Variants in SOX30 observed in about 807,000 individuals in gnomAD.
SOX30 encodes transcription factor SOX-30.
Under a neutral mutation model 58.6 loss-of-function variants are expected in SOX30, and 17 were observed. The observed-to-expected ratio is 0.29, with a 90% CI of 0.20 to 0.44. The LOEUF is 0.44. SOX30 is among the 20% of genes least tolerant of loss of function. SOX30 has a pLI of 1.00. For synonymous variants in SOX30, 421 were observed against 400.2 expected (o/e 1.05, Z -0.62); for missense variants, 951 against 965.8 (o/e 0.98, Z 0.20).
At position 157,652,370 on chromosome 5, in the gene SOX30, A is replaced by C. The variant is rs565943216; in HGVS notation, c.-292T>G. The stretch of plus-strand genomic sequence containing the variant: ...GCACTTGTTGCACATTTTCGTTCTG[A>C]CTCTCTTGTGGAGTTCTCTTACAGC... On this transcript the variant is annotated 5_prime_UTR_variant, in exon 1 of 5. Transcript: ENST00000265007. 126 of 1,147,096 alleles carry C rather than the reference A, an allele frequency of 1.1e-4. 1 individual carries two copies. In the African/African-American group the frequency reaches 1.8e-3, roughly 16 times the overall value. The allele number at this position is 1,147,096 out of a possible 1,614,324, so 71.1% of individuals were successfully genotyped here.
chr5:157,667,684 A>T, intron 2 of SOX30: 4 of 1,400,350 alleles, frequency 2.9e-6, no homozygotes, highest in Admixed American at 2.4e-5. Flanking sequence ...GGCTGCAGTG[A>T]CCTGATATCA....
Position 157,652,041 on chromosome 5 carries a change from C to A in SOX30, c.38G>T (p.Arg13Leu), listed in dbSNP as rs539566843. ...RARPEPPPQPRPLRPAPPPLP... is the reference protein window; with the variant it reads ...RARPEPPPQPLPLRPAPPPLP... ...CGGGGGCGGAGCGGGACGCAACGGG[C>A]GCGGCTGAGGCGGCGGCTCGGGTCT... Residue 13 changes from arginine to leucine, a missense_variant, in exon 1 of 5, where the codon CGC becomes CTC. This residue lies in a region of SOX30 where 363 missense variants were observed against 294.5 expected (regional missense o/e 1.23). Transcript: ENST00000265007. 5 of 1,422,172 alleles carry A rather than the reference C, an allele frequency of 3.5e-6. No individual in the cohort carries two copies. The highest frequency in any genetic ancestry group is 4.6e-6 in the Non-Finnish European group (5 of 1,096,916). The allele number at this position is 1,422,172 out of a possible 1,614,324, so 88.1% of individuals were successfully genotyped here.
chr5:157,626,567 A>G lies in SOX30; in HGVS notation c.2035T>C (p.Cys679Arg), dbSNP rs1758660968. The change falls in exon 5 of 5, where the codon TGC becomes CGC. Residue 679 changes from cysteine to arginine, a missense_variant. This residue lies in a region of SOX30 where 381 missense variants were observed against 390.0 expected (regional missense o/e 0.98). Coordinates refer to ENST00000265007, the MANE Select transcript of SOX30 (RefSeq NM_178424.2). Reference sequence around the variant, plus strand: ...CTCCGAGAATTTTCACTGTGTGTGCATTCACTTGAGTAGTCTCTAAAAGAA... The same window carrying G: ...CTCCGAGAATTTTCACTGTGTGTGCGTTCACTTGAGTAGTCTCTAAAAGAA... ...DYSFRDYSSECTHSENSRSCE... is the reference protein window; with the variant it reads ...DYSFRDYSSERTHSENSRSCE... The G allele has an allele frequency of 1.2e-6, 2 of 1,614,218 alleles. No homozygotes were observed. Among genetic ancestry groups the G allele is most frequent in the Non-Finnish European group, 1.7e-6 (2 of 1,180,040 alleles).
At chr5:157,627,901 G>A (rs1046207827) in intron 4 of SOX30, among the ~76,000 whole-genome samples, 2 of 152,054 alleles carry the variant, frequency 1.3e-5, no homozygotes, top group African/African-American at 4.8e-5. Flanking sequence ...GGCTGAGGCA[G>A]GAGAATGGCG....
Position 157,637,652 on chromosome 5 carries a change from T to A in SOX30, c.1880+578A>T, listed in dbSNP as rs187581815. ...TACATTTGACTAAATGATCTTAAGG[T>A]CCCTTATAGTTATTTTGCATGAAAA... On this transcript the variant is annotated intron_variant, in intron 4 of 4. Transcript: ENST00000265007. 2.6e-3 allele frequency among the ~76,000 whole-genome samples: 394 copies of A among 152,122 alleles called. 2 individuals are homozygous for A. Among genetic ancestry groups the A allele is most frequent in the African/African-American group, 8.9e-3 (368 of 41,498 alleles).
intron 4 of SOX30, among the ~76,000 whole-genome samples, chr5:157,634,262 G>A (rs746884585): frequency 2.6e-5 from 4 of 152,200 alleles, no homozygotes; most frequent in Admixed American, 6.5e-5. Flanking sequence ...TGCCCAGGTT[G>A]GAGTGCAGTG....
intron 4 of SOX30, among the ~76,000 whole-genome samples, chr5:157,637,358 A>C (rs1477411648): frequency 4.6e-5 from 7 of 152,164 alleles, no homozygotes; most frequent in Admixed American, 3.3e-4. Flanking sequence ...CTAGTCATTT[A>C]ACCTAGGTAA....
upstream of SOX30, among the ~76,000 whole-genome samples, chr5:157,655,047 A>G (rs1323782673): frequency 3.9e-5 from 6 of 152,238 alleles, no homozygotes; most frequent in African/African-American, 1.2e-4. Flanking sequence ...GCGAGATCCA[A>G]GAACCCTCTT....
In SOX30 at chr5:157,648,864, T is replaced by A; in HGVS notation, c.1000A>T (p.Asn334Tyr). The change falls in exon 2 of 5, where the codon AAT (asparagine) becomes TAT (tyrosine). Residue 334 changes from asparagine to tyrosine, a missense_variant. Transcript: ENST00000265007. ...TTCATGGGTCGCTTCACATGACCAT[T>A]TCTGTCCTTACTGAAGGGAGTATCT... Reference protein sequence around the residue: ...IPDTPFSKDRNGHVKRPMNAF... With the variant: ...IPDTPFSKDRYGHVKRPMNAF... 1 of 1,611,318 alleles carries A rather than the reference T, an allele frequency of 6.2e-7. No homozygotes were observed. Among genetic ancestry groups the A allele is most frequent in the Non-Finnish European group, 8.5e-7 (1 of 1,179,600 alleles).
At chr5:157,646,191 A>G (rs551656703) in intron 3 of SOX30, among the ~76,000 whole-genome samples, 1 of 152,360 alleles carries the variant, frequency 6.6e-6, no homozygotes, top group African/African-American at 2.4e-5. Context: ...AATATTTGGT[A>G]GAAAATAGAT....
At chr5:157,668,830 A>T (rs1158164525) in intron 1 of SOX30, among the ~76,000 whole-genome samples, 1 of 151,928 alleles carries the variant, frequency 6.6e-6, no homozygotes, top group Admixed American at 6.6e-5. Flanking sequence ...CTCCTATTTC[A>T]TCGATGGGTG....
intron 3 of SOX30, among the ~76,000 whole-genome samples, chr5:157,641,977 G>A (rs989884835): frequency 3.3e-5 from 5 of 152,124 alleles, no homozygotes; most frequent in Non-Finnish European, 5.9e-5. Flanking sequence ...CAGGACAAGT[G>A]ATCGATTAGA....
At chr5:157,646,290 C>G (rs1261567504) in intron 3 of SOX30, among the ~76,000 whole-genome samples, 1 of 152,138 alleles carries the variant, frequency 6.6e-6, no homozygotes, top group Non-Finnish European at 1.5e-5. Context: ...CCTCATACCC[C>G]ATTAGCAAGG....
intron 3 of SOX30, among the ~76,000 whole-genome samples, chr5:157,643,968 C>T (rs1407845610): frequency 1.3e-5 from 2 of 152,092 alleles, no homozygotes; most frequent in Non-Finnish European, 2.9e-5. Flanking sequence ...GCAAGTGATA[C>T]TGACCTCTCT....
chr5:157,646,896 A>G (rs563342767), intron 2 of SOX30, 80 bp from the exon 3 acceptor site: 6 of 1,053,996 alleles, frequency 5.7e-6, no homozygotes, highest in Non-Finnish European at 8.6e-6. Context: ...AATGCAAAGC[A>G]CTTTAAAGTG....
intron 4 of SOX30, among the ~76,000 whole-genome samples, chr5:157,630,954 G>T (rs1456794238): frequency 7.0e-4 from 78 of 111,414 alleles, no homozygotes; most frequent in Middle Eastern, 6.0e-3. Context: ...TATATATATT[G>T]TATATATATA....
chr5:157,642,028 C>A lies in SOX30; in HGVS notation c.1388-3306G>T, dbSNP rs146636903. ...AGAATACACAGTAAAATGAAATCAGCTTGAGGGCCGGGTGCAGTGGCTCAT... is the reference window on the plus strand; with the variant it reads ...AGAATACACAGTAAAATGAAATCAGATTGAGGGCCGGGTGCAGTGGCTCAT... On this transcript the variant is annotated intron_variant, in intron 3 of 4. Coordinates refer to ENST00000265007, the MANE Select transcript of SOX30 (RefSeq NM_178424.2). 4.9e-4 allele frequency among the ~76,000 whole-genome samples: 75 copies of A among 152,150 alleles called. No individual in the cohort carries two copies. In the East Asian group the frequency reaches 7.1e-3, roughly 15 times the overall value.
chr5:157,663,756 C>G (rs1027872946), intron 2 of SOX30, among the ~76,000 whole-genome samples: 2 of 152,164 alleles, frequency 1.3e-5, no homozygotes, highest in South Asian at 2.1e-4. Flanking sequence ...TCAGCAAAGT[C>G]TCAGGATACA....
chr5:157,653,571 TA>T (rs1245575400), upstream of SOX30, among the ~76,000 whole-genome samples: 1 of 152,264 alleles, frequency 6.6e-6, no homozygotes, highest in Non-Finnish European at 1.5e-5. Flanking sequence ...TTTCCATGTT[TA>T]TGTTTCTCCT....
Sources: gnomAD v4.1 joint callset for allele counts (sites outside exome capture counted in the v4.1 genomes callset) on GRCh38, gnomAD v4.1.1 for gene constraint, gnomAD v4.1.1 regional missense constraint, MANE v1.5 for transcripts, NCBI Gene and HGNC (gene_info 2026-07-23, HGNC 2026-07-21) for gene names.